The following KNL1 variants were observed in gnomAD, a reference collection of about 807,000 sequenced individuals.
KNL1 encodes the protein outer kinetochore KNL1 complex subunit KNL1.
In KNL1, 66 loss-of-function variants were observed where a neutral mutation model predicts 201.3. The observed-to-expected ratio is 0.33, with a 90% CI of 0.27 to 0.40. The LOEUF (loss-of-function observed/expected upper bound fraction) is 0.40. KNL1 is among the 10% of genes least tolerant of loss of function. The pLI is 1.00. For synonymous variants in KNL1, 895 were observed against 899.2 expected, an observed-to-expected ratio of 1.00 and a Z score of 0.08; for missense variants, 2,815 against 2,690.5, an observed-to-expected ratio of 1.05 and a Z score of -1.02.
At chr15:40,602,115 C>T (rs1334844560) in intron 1 of KNL1, among the ~76,000 whole-genome samples, 2 of 151,528 alleles carry the variant, frequency 1.3e-5, no homozygotes, top group Admixed American at 6.6e-5. Flanking sequence ...CTGCAAGCTC[C>T]GCCTCCCGGG....
intron 17 of KNL1, among the ~76,000 whole-genome samples, chr15:40,648,000 T>A (rs1157299691): frequency 6.6e-6 from 1 of 152,170 alleles, no homozygotes; most frequent in Non-Finnish European, 1.5e-5. Context: ...TGTGACTGAT[T>A]CCCAAATTTA....
At chr15:40,651,628 T>A in intron 20 of KNL1, 56 bp downstream of exon 20, 1 of 1,242,542 alleles carries the variant, frequency 8.0e-7, no homozygotes, top group Non-Finnish European at 1.1e-6. Context: ...TGTGGTTGTT[T>A]AAACCGATTG....
In KNL1 at chr15:40,654,927, A is replaced by G; in HGVS notation, c.6434A>G (p.Asp2145Gly). The G allele has an allele frequency of 3.1e-6, 5 of 1,612,778 alleles. No homozygotes were observed. Among genetic ancestry groups the G allele is most frequent in the Non-Finnish European group, 4.2e-6 (5 of 1,179,492 alleles). ...TTTCTAGTTGGTTTCCCTTTCCTGG[A>G]CAAGCGTTATAGGAAGATTGTTGAT... Reference protein sequence around the residue: ...EESVVGFPFLDKRYRKIVDVN... With the variant: ...EESVVGFPFLGKRYRKIVDVN... Residue 2145 changes from aspartate (D) to glycine (G), a missense_variant, in exon 22 of 26, where the codon GAC (aspartate) becomes GGC (glycine). Physicochemically the swap from Asp to Gly is moderately conservative, Grantham distance 94. Coordinates refer to ENST00000399668, the MANE Select transcript of KNL1 (RefSeq NM_144508.5).
intron 7 of KNL1, among the ~76,000 whole-genome samples, chr15:40,612,432 C>T (rs1167382885): frequency 6.9e-6 from 1 of 145,404 alleles, no homozygotes; most frequent in Non-Finnish European, 1.5e-5. Flanking sequence ...GCGGAGGTTG[C>T]AGTGAGCTGA....
chr15:40,597,140 G>A (rs866353395), intron 1 of KNL1, among the ~76,000 whole-genome samples: 6 of 152,084 alleles, frequency 3.9e-5, no homozygotes, highest in African/African-American at 1.4e-4. Flanking sequence ...CCTGACAGGT[G>A]TTCAGAACTG....
At chr15:40,657,565 G>A in intron 24 of KNL1, 92 bp downstream of exon 24, 1 of 677,798 alleles carries the variant, frequency 1.5e-6, no homozygotes, top group South Asian at 1.8e-5. Context: ...TGAGATTAAG[G>A]TGTAAGCGGG....
chr15:40,634,644 G>A (rs1285912233), intron 13 of KNL1, among the ~76,000 whole-genome samples: 1 of 152,102 alleles, frequency 6.6e-6, no homozygotes, highest in Non-Finnish European at 1.5e-5. Context: ...TATAGATAGG[G>A]AGGAGAAAGG....
intron 22 of KNL1, among the ~76,000 whole-genome samples, chr15:40,655,730 C>T (rs566697340): frequency 3.3e-5 from 5 of 151,702 alleles, no homozygotes; most frequent in East Asian, 1.9e-4. Flanking sequence ...CTGGCTAACA[C>T]GGTGAAACCC....
At chr15:40,653,771 T>C (rs1893641221) in intron 21 of KNL1, among the ~76,000 whole-genome samples, 1 of 152,208 alleles carries the variant, frequency 6.6e-6, no homozygotes, top group African/African-American at 2.4e-5. Context: ...TTGGCCACAG[T>C]GGACTTCTTT....
At position 40,622,554 on chromosome 15, in the gene KNL1, C is replaced by A. The variant is rs1310708447; in HGVS notation, c.2290C>A (p.Leu764Ile). ...TTCAGAGGAAGAGCAAAATATGGAT[C>A]TAACAAAGAGCCACACTGTCGTCAT... ...ICSEEEQNMD[L>I]TKSHTVVIGF... The change falls in exon 10 of 26, where the codon CTA becomes ATA. Residue 764 changes from leucine to isoleucine, a missense_variant. Leu to Ile is a conservative substitution (Grantham distance 5, BLOSUM62 2). Around this residue, in one of 3 missense-constraint regions of KNL1, gnomAD observed 2,464 missense variants for 2,291.7 expected, o/e 1.08. Transcript: ENST00000399668. 6.2e-7 allele frequency: 1 copy of A among 1,613,754 alleles called. No homozygotes were observed. Among genetic ancestry groups the A allele is most frequent in the South Asian group, 1.1e-5 (1 of 91,038 alleles).
At chr15:40,625,759 C>A in intron 10 of KNL1, 119 bp downstream of exon 10, 2 of 720,196 alleles carry the variant, frequency 2.8e-6, no homozygotes. Context: ...ATAATTATTT[C>A]CACTTAGAGG....
chr15:40,598,769 C>T (rs1891692691), intron 1 of KNL1, among the ~76,000 whole-genome samples: 1 of 151,942 alleles, frequency 6.6e-6, no homozygotes, highest in Non-Finnish European at 1.5e-5. Flanking sequence ...TGTTAACTTA[C>T]CTTCTATTTC....
At chr15:40,603,005 TC>T in intron 2 of KNL1, 39 bp downstream of exon 2, 2 of 1,331,152 alleles carry the variant, frequency 1.5e-6, no homozygotes, top group Admixed American at 1.8e-5. Flanking sequence ...TTATATTCTA[TC>T]AGAGAAAGAT....
chr15:40,645,517 C>A lies in KNL1; in HGVS notation c.5890-139C>A, dbSNP rs1386330674. On this transcript the variant is annotated intron_variant, in intron 15 of 25. Coordinates refer to ENST00000399668, the MANE Select transcript of KNL1 (RefSeq NM_144508.5). ...TCAAAACTGAAATCTTTTTTCTGGTCTTAGACAATTACATGGAATTAAATT... is the reference window on the plus strand; with the variant it reads ...TCAAAACTGAAATCTTTTTTCTGGTATTAGACAATTACATGGAATTAAATT... 6.6e-6 allele frequency: 3 copies of A among 457,674 alleles called. No homozygotes were observed. The Admixed American group carries it at 1.1e-4, about 17-fold the overall frequency. The allele number at this position is 457,674 out of a possible 1,614,324, so 28.4% of individuals were successfully genotyped here.
intron 8 of KNL1, 109 bp from the exon 9 acceptor site, chr15:40,618,850 T>G: frequency 1.5e-6 from 1 of 659,748 alleles, no homozygotes; most frequent in Non-Finnish European, 2.7e-6. Flanking sequence ...AAGGGCTTAG[T>G]TACTGGTAAA....
At chr15:40,644,266 A>C (rs927981176) in intron 14 of KNL1, among the ~76,000 whole-genome samples, 3 of 152,240 alleles carry the variant, frequency 2.0e-5, no homozygotes, top group Non-Finnish European at 4.4e-5. Flanking sequence ...CTGGATGTAC[A>C]CCTAAGCCAG....
chr15:40,598,134 A>G (rs1193998855), intron 1 of KNL1, among the ~76,000 whole-genome samples: 1 of 151,292 alleles, frequency 6.6e-6, no homozygotes, highest in Non-Finnish European at 1.5e-5. Context: ...AGATGGCACC[A>G]TTGCTCTCTA....
At chr15:40,601,688 G>A (rs191628831) in intron 1 of KNL1, among the ~76,000 whole-genome samples, 1 of 151,282 alleles carries the variant, frequency 6.6e-6, no homozygotes, top group African/African-American at 2.4e-5. Flanking sequence ...GGGCGCGGTC[G>A]TGGGCGCCTG....
chr15:40,638,380 T>C (rs924587320), intron 13 of KNL1, among the ~76,000 whole-genome samples: 1 of 152,140 alleles, frequency 6.6e-6, no homozygotes, highest in Non-Finnish European at 1.5e-5. Flanking sequence ...AAAACTGTTT[T>C]AAAGACAAGC....
Sources: allele counts gnomAD v4.1 joint callset (sites outside exome capture counted in the v4.1 genomes callset), GRCh38; gene constraint gnomAD v4.1.1; regional missense constraint gnomAD v4.1.1; transcripts MANE v1.5; gene names NCBI Gene and HGNC (gene_info 2026-07-23, HGNC 2026-07-21).